Variants in PPHLN1 observed in about 807,000 individuals in gnomAD.
The protein encoded by PPHLN1 is periphilin-1.
Under a neutral mutation model 51.3 loss-of-function variants are expected in PPHLN1, and 29 were observed. The ratio of observed to expected loss-of-function variants is 0.57; its 90% CI spans 0.42 to 0.77. PPHLN1 has a LOEUF of 0.77. Among genes scored for constraint, PPHLN1 ranks in the 30% least tolerant of loss-of-function variants. PPHLN1 has a pLI of 0.00. For synonymous variants in PPHLN1, 147 were observed against 147.8 expected (o/e 0.99, Z 0.04); for missense variants, 436 against 438.4 (o/e 0.99, Z 0.05).
At chr12:42,426,581 T>C (rs2081520748) in intron 9 of PPHLN1, among the ~76,000 whole-genome samples, 1 of 152,236 alleles carries the variant, frequency 6.6e-6, no homozygotes, top group Non-Finnish European at 1.5e-5. Context: ...AAGGTCTATA[T>C]GAAAATGTTA....
chr12:42,408,368 A>G (rs1426903168), intron 9 of PPHLN1, among the ~76,000 whole-genome samples: 1 of 145,412 alleles, frequency 6.9e-6, no homozygotes, highest in Middle Eastern at 3.4e-3. Context: ...AAAATTAGCC[A>G]AGTGTGGTGG....
intron 3 of PPHLN1, among the ~76,000 whole-genome samples, chr12:42,354,565 T>TA (rs1376919031): frequency 4.6e-5 from 7 of 152,300 alleles, no homozygotes; most frequent in African/African-American, 1.7e-4. Flanking sequence ...GGTTCTTTTT[T>TA]ATGTACCTTT....
intron 5 of PPHLN1, among the ~76,000 whole-genome samples, chr12:42,377,617 T>C (rs1348114474): frequency 6.6e-6 from 1 of 152,156 alleles, no homozygotes; most frequent in Non-Finnish European, 1.5e-5. Flanking sequence ...ACGACCTGTT[T>C]TTGGGATGTG....
At chr12:42,404,072 A>G (rs1172774261) in intron 9 of PPHLN1, among the ~76,000 whole-genome samples, 1 of 149,688 alleles carries the variant, frequency 6.7e-6, no homozygotes, top group Non-Finnish European at 1.5e-5. Flanking sequence ...GTCTCACTGC[A>G]TTCTCTAATT....
At chr12:42,409,276 TTTATC>T (rs1169916426) in intron 9 of PPHLN1, among the ~76,000 whole-genome samples, 1 of 152,106 alleles carries the variant, frequency 6.6e-6, no homozygotes, top group Non-Finnish European at 1.5e-5. Context: ...TCCTGTCACT[TTTATC>T]TAGTGATTGT....
rs980062747 is a variant in PPHLN1, at chr12:42,389,390, A to C, written c.648+1855A>C. On this transcript the variant is annotated intron_variant, in intron 7 of 9. Coordinates refer to ENST00000358314, the MANE Select transcript of PPHLN1 (RefSeq NM_201439.2). Reference sequence around the variant, plus strand: ...CCGTCTCAAAACAAAAACAAAAATAAACAAACAAAAAAAAAAACAATTAGC... The same window carrying C: ...CCGTCTCAAAACAAAAACAAAAATACACAAACAAAAAAAAAAACAATTAGC... Among the ~76,000 whole-genome samples, 13 of 111,444 alleles carry C rather than the reference A, an allele frequency of 1.2e-4. 1 individual carries two copies. In the South Asian group the frequency reaches 3.8e-3, roughly 33 times the overall value. The allele number at this position is 111,444 out of a possible 152,430, so 73.1% of individuals were successfully genotyped here. A position where few individuals can be genotyped will look rare whatever the true frequency, so the allele number is the denominator to read the frequency against.
At chr12:42,425,868 G>A (rs2081413169) in intron 9 of PPHLN1, among the ~76,000 whole-genome samples, 1 of 152,168 alleles carries the variant, frequency 6.6e-6, no homozygotes. Context: ...AAAGAAATGG[G>A]ATAGTAGAGT....
intron 9 of PPHLN1, among the ~76,000 whole-genome samples, chr12:42,420,696 C>G (rs1172314174): frequency 5.0e-5 from 5 of 99,748 alleles, no homozygotes; most frequent in African/African-American, 1.7e-4. Flanking sequence ...CCTCCCCTCC[C>G]CTCCCTCCCT....
At chr12:42,355,244 C>T (rs1247007200) in intron 4 of PPHLN1, 22 bp downstream of exon 4, 2 of 1,597,568 alleles carry the variant, frequency 1.3e-6, no homozygotes, top group Non-Finnish European at 1.7e-6. Flanking sequence ...AAAATAATAG[C>T]ATAAGTACTT....
intron 5 of PPHLN1, among the ~76,000 whole-genome samples, chr12:42,384,257 A>C (rs1344067658): frequency 1.3e-5 from 2 of 152,200 alleles, no homozygotes; most frequent in Non-Finnish European, 1.5e-5. Flanking sequence ...AGAAAAAAAA[A>C]AAGTAAAATT....
intron 4 of PPHLN1, among the ~76,000 whole-genome samples, chr12:42,365,405 CCCCA>C (rs2075158414): frequency 6.6e-6 from 1 of 152,184 alleles, no homozygotes; most frequent in Admixed American, 6.5e-5. Flanking sequence ...CTTTCCATCT[CCCCA>C]TTCTTCCCTT....
At chr12:42,343,795 A>C (rs1260053513) in intron 2 of PPHLN1, 1 of 370,176 alleles carries the variant, frequency 2.7e-6, no homozygotes, top group Non-Finnish European at 5.2e-6. Context: ...TACATTCTCG[A>C]ATAAGATGCC....
intron 9 of PPHLN1, among the ~76,000 whole-genome samples, chr12:42,420,753 CTG>C (rs2080938165): frequency 6.9e-6 from 1 of 145,358 alleles, no homozygotes; most frequent in African/African-American, 2.5e-5. Flanking sequence ...CAGCAAGATT[CTG>C]TGTGTATTTT....
At chr12:42,332,537 GTGTT>G in intron 1 of PPHLN1, 1 of 621,056 alleles carries the variant, frequency 1.6e-6, no homozygotes, top group Non-Finnish European at 2.8e-6. Flanking sequence ...TTTCAAGAGT[GTGTT>G]TGAAGCGAGT....
intron 4 of PPHLN1, among the ~76,000 whole-genome samples, chr12:42,359,923 T>G (rs1300621648): frequency 1.3e-5 from 2 of 151,822 alleles, no homozygotes; most frequent in Non-Finnish European, 2.9e-5. Context: ...GCCTGGCCAT[T>G]ATGACAAAAC....
Position 42,374,961 on chromosome 12 carries a change from C to T in PPHLN1, c.398C>T (p.Ser133Leu). The T allele has an allele frequency of 1.2e-6, 2 of 1,613,580 alleles. No individual in the cohort carries two copies. Among genetic ancestry groups the T allele is most frequent in the Non-Finnish European group, 1.7e-6 (2 of 1,179,810 alleles). ...YKRDNTFFRE[S>L]PVGRKDSPHS... ...AGGGACAATACTTTTTTCAGAGAAT[C>T]ACCTGTTGGCCGAAAGGATTCTCCA... Residue 133 changes from serine to leucine, a missense_variant, in exon 5 of 10, where the codon TCA becomes TTA. Coordinates refer to ENST00000358314, the MANE Select transcript of PPHLN1 (RefSeq NM_201439.2).
intron 1 of PPHLN1, among the ~76,000 whole-genome samples, chr12:42,332,910 A>G (rs2069999696): frequency 6.6e-6 from 1 of 152,012 alleles, no homozygotes; most frequent in South Asian, 2.1e-4. Context: ...TCATCACTTC[A>G]CATGTTATGC....
intron 1 of PPHLN1, chr12:42,332,782 G>T (rs2069968781): frequency 2.6e-6 from 2 of 781,024 alleles, no homozygotes; most frequent in South Asian, 2.2e-5. Context: ...TAATATTTCA[G>T]TATTAAACTA....
intron 4 of PPHLN1, among the ~76,000 whole-genome samples, chr12:42,373,134 A>G (rs2075955041): frequency 6.6e-6 from 1 of 152,170 alleles, no homozygotes; most frequent in African/African-American, 2.4e-5. Flanking sequence ...AGCCTCTCCT[A>G]TTAAACCGAG....
Sources: gnomAD v4.1 joint callset for allele counts (sites outside exome capture counted in the v4.1 genomes callset) on GRCh38, gnomAD v4.1.1 for gene constraint, MANE v1.5 for transcripts, NCBI Gene and HGNC (gene_info 2026-07-23, HGNC 2026-07-21) for gene names.